The following TRIP4 variants were observed in gnomAD, a reference collection of about 807,000 sequenced individuals.
TRIP4 encodes the protein thyroid hormone receptor interactor 4.
Under a neutral mutation model 81.8 loss-of-function variants are expected in TRIP4, and 54 were observed. That is an observed-to-expected ratio of 0.66 (90% CI 0.53 to 0.83). The LOEUF (loss-of-function observed/expected upper bound fraction) is 0.83. Among genes scored for constraint, TRIP4 ranks in the 40% least tolerant of loss-of-function variants. TRIP4 has a pLI of 0.00. For synonymous variants in TRIP4, 270 were observed against 242.8 expected, an observed-to-expected ratio of 1.11 and a Z score of -1.04; for missense variants, 662 against 683.6, an observed-to-expected ratio of 0.97 and a Z score of 0.35.
intron 12 of TRIP4, among the ~76,000 whole-genome samples, chr15:64,448,956 TC>T (rs969164493): frequency 6.6e-6 from 1 of 152,006 alleles, no homozygotes; most frequent in African/African-American, 2.4e-5. Context: ...ATGTCTATAA[TC>T]CCAGCACTTT....
At chr15:64,413,199 C>CA (rs1891808044) in intron 7 of TRIP4, among the ~76,000 whole-genome samples, 1 of 149,778 alleles carries the variant, frequency 6.7e-6, no homozygotes. Context: ...TCCTAGGCAA[C>CA]TTTTTTTTTT....
At chr15:64,396,266 CTTTTTTTTTTTTT>C (rs60341744) in intron 3 of TRIP4, among the ~76,000 whole-genome samples, 2 of 64,720 alleles carry the variant, frequency 3.1e-5, no homozygotes, top group African/African-American at 5.7e-5. Flanking sequence ...TATCTAGCTG[CTTTTTTTTTTTTT>C]TTTTTTTTTT....
chr15:64,393,338 T>TA (rs59942965), intron 1 of TRIP4: 53,144 of 149,030 alleles, frequency 0.36, 11,144 homozygotes, highest in Non-Finnish European at 0.48. Flanking sequence ...TTTTTTTTTT[T>TA]AGTAGAGACA....
intron 11 of TRIP4, 74 bp downstream of exon 11, chr15:64,425,705 T>A: frequency 8.2e-7 from 1 of 1,223,906 alleles, no homozygotes; most frequent in Non-Finnish European, 1.2e-6. Context: ...GAAAGCACTT[T>A]AAGAGGCTGG....
At chr15:64,396,391 CT>C (rs989658508) in intron 3 of TRIP4, among the ~76,000 whole-genome samples, 1 of 151,078 alleles carries the variant, frequency 6.6e-6, no homozygotes, top group African/African-American at 2.4e-5. Context: ...ATTCTCCTGC[CT>C]CAGTCTCCCA....
Position 64,394,089 on chromosome 15 carries a change from C to T in TRIP4, c.245C>T (p.Pro82Leu). 5.6e-6 allele frequency: 9 copies of T among 1,604,226 alleles called. No individual in the cohort carries two copies. Among genetic ancestry groups the T allele is most frequent in the Non-Finnish European group, 7.7e-6 (9 of 1,175,770 alleles). Residue 82 changes from proline (P) to leucine (L), a missense_variant, in exon 2 of 13, where the codon CCT (proline) becomes CTT (leucine). Physicochemically the swap from Pro to Leu is moderately conservative, Grantham distance 98 (BLOSUM62 -3). Coordinates refer to ENST00000261884, the MANE Select transcript of TRIP4 (RefSeq NM_016213.5). ...QKNDQELISD[P>L]LQQCFKKDEI... ...AATGATCAGGAGTTGATTTCGGATC[C>T]TTTGCAGCAGTGCTTCAAAAAAGAT...
intron 12 of TRIP4, 28 bp from the exon 13 acceptor site, chr15:64,454,966 AAAT>A (rs1410905635): frequency 6.2e-7 from 1 of 1,607,878 alleles, no homozygotes; most frequent in Admixed American, 1.7e-5. Flanking sequence ...ATACAAAAAT[AAAT>A]AATGAGACTT....
At chr15:64,417,179 T>C (rs1891906641) in intron 8 of TRIP4, among the ~76,000 whole-genome samples, 1 of 152,110 alleles carries the variant, frequency 6.6e-6, no homozygotes, top group South Asian at 2.1e-4. Context: ...CCTTACTAAT[T>C]TGTATATTTT....
Position 64,425,628 on chromosome 15 carries a change from G to A in TRIP4, c.1572G>A (p.Glu524=), listed in dbSNP as rs776835328. ...IDCLSQKQFK[E]QFPDISQESD... ...GCTTGTCCCAGAAGCAATTTAAGGAGCAGGTGAGTAAAGAATACTTTTTTT... is the reference window on the plus strand; with the variant it reads ...GCTTGTCCCAGAAGCAATTTAAGGAACAGGTGAGTAAAGAATACTTTTTTT... The change falls in exon 11 of 13, where the codon GAG becomes GAA. Residue 524 remains glutamate, a synonymous_variant. Transcript: ENST00000261884. 1.2e-6 allele frequency: 2 copies of A among 1,609,414 alleles called. No individual in the cohort carries two copies. The highest frequency in any genetic ancestry group is 1.7e-6 in the Non-Finnish European group (2 of 1,177,630).
At chr15:64,454,133 CTT>C (rs879675137) in intron 12 of TRIP4, among the ~76,000 whole-genome samples, 1 of 134,446 alleles carries the variant, frequency 7.4e-6, no homozygotes. Flanking sequence ...TTTTTGTTTT[CTT>C]TTTTTTTTTT....
intron 11 of TRIP4, among the ~76,000 whole-genome samples, chr15:64,426,728 T>C (rs556152483): frequency 3.1e-5 from 4 of 130,632 alleles, no homozygotes; most frequent in East Asian, 2.4e-4. Flanking sequence ...AAGATGGGCA[T>C]GGTGGCTCAC....
At chr15:64,431,922 C>T (rs1304508155) in intron 11 of TRIP4, among the ~76,000 whole-genome samples, 1 of 109,052 alleles carries the variant, frequency 9.2e-6, no homozygotes, top group Non-Finnish European at 1.7e-5. Context: ...CGTACTCTGT[C>T]GTCCAGGGTG....
chr15:64,411,745 T>C (rs945238118), intron 7 of TRIP4, among the ~76,000 whole-genome samples: 22 of 151,558 alleles, frequency 1.5e-4, no homozygotes, highest in Non-Finnish European at 2.5e-4. Context: ...AGTGGCGCGA[T>C]CTTGGCTCAC....
At chr15:64,448,654 G>A (rs945417683) in intron 12 of TRIP4, among the ~76,000 whole-genome samples, 2 of 151,968 alleles carry the variant, frequency 1.3e-5, no homozygotes, top group Admixed American at 1.3e-4. Context: ...TGCTAGAAAC[G>A]GGGTCTTGCC....
In TRIP4 at chr15:64,408,249, ATTTTTTTTTTTTT is replaced by A. The variant is rs796182931; in HGVS notation, c.828-1349_828-1337del. 7.8e-4 allele frequency among the ~76,000 whole-genome samples: 33 copies of A among 42,498 alleles called. 1 individual carries two copies. The highest frequency in any genetic ancestry group is 1.9e-3 in the African/African-American group (31 of 16,084). 27.9% of individuals were successfully genotyped at this position (42,498 alleles called of 152,430 possible). On this transcript the variant is annotated intron_variant, in intron 6 of 12. Coordinates refer to ENST00000261884, the MANE Select transcript of TRIP4 (RefSeq NM_016213.5). Reference sequence around the variant, plus strand: ...CACCGTGCCTGGCCTAAGAAGACAAATTTTTTTTTTTTTTTTTTTTTTTTTTTGAGATGGAGTC... The same window carrying A: ...CACCGTGCCTGGCCTAAGAAGACAAATTTTTTTTTTTTTTGAGATGGAGTC...
chr15:64,440,051 A>ATT (rs1250574379), intron 11 of TRIP4, among the ~76,000 whole-genome samples: 1 of 148,738 alleles, frequency 6.7e-6, no homozygotes, highest in African/African-American at 2.6e-5. Context: ...GGCAAAAGAA[A>ATT]TTTATATATA....
chr15:64,438,234 C>T (rs984451606), intron 11 of TRIP4, among the ~76,000 whole-genome samples: 2 of 152,176 alleles, frequency 1.3e-5, no homozygotes, highest in African/African-American at 4.8e-5. Context: ...TGGCACAGCC[C>T]TTAACTCAAG....
At position 64,445,066 on chromosome 15, in the gene TRIP4, G is replaced by A. The variant is rs1892595038; in HGVS notation, c.1636G>A (p.Glu546Lys). 6.2e-7 allele frequency: 1 copy of A among 1,607,140 alleles called. No homozygotes were observed. Among genetic ancestry groups the A allele is most frequent in the Non-Finnish European group, 8.5e-7 (1 of 1,175,702 alleles). ...PFVFICKNPQ[E>K]MVVKFPIKGN... Reference sequence around the variant, plus strand: ...TGTTTTCATCTGCAAAAATCCTCAGGAAATGGTTGTGAAGTTTCCTATTAA... The same window carrying A: ...TGTTTTCATCTGCAAAAATCCTCAGAAAATGGTTGTGAAGTTTCCTATTAA... Residue 546 changes from glutamate (E) to lysine (K), a missense_variant, in exon 12 of 13, where the codon GAA becomes AAA. Coordinates refer to ENST00000261884, the MANE Select transcript of TRIP4 (RefSeq NM_016213.5).
chr15:64,420,279 G>A (rs528776148), intron 9 of TRIP4, among the ~76,000 whole-genome samples: 2 of 151,172 alleles, frequency 1.3e-5, no homozygotes, highest in Admixed American at 6.6e-5. Context: ...GTGCCACCAC[G>A]CCTGGCTATT....
Sources: gnomAD v4.1 joint callset for allele counts (sites outside exome capture counted in the v4.1 genomes callset) on GRCh38, gnomAD v4.1.1 for gene constraint, MANE v1.5 for transcripts, NCBI Gene and HGNC (gene_info 2026-07-23, HGNC 2026-07-21) for gene names.